RMND1: variants seen among roughly 807,000 people sequenced by gnomAD.
RMND1 encodes required for meiotic nuclear division 1 homolog.
RMND1 carries 41 observed loss-of-function variants against 54.0 expected under a neutral mutation model. That is an observed-to-expected ratio of 0.76 (90% confidence interval 0.59 to 0.98). The LOEUF is 0.98. Ranked by LOEUF, RMND1 falls within the 50% of genes least tolerant of loss-of-function variation. The pLI is 0.00. For synonymous variants in RMND1, 183 were observed against 181.7 expected, an observed-to-expected ratio of 1.01 and a Z score of -0.06; for missense variants, 457 against 532.0, an observed-to-expected ratio of 0.86 and a Z score of 1.39.
intron 6 of RMND1, 78 bp from the exon 7 acceptor site, chr6:151,423,709 A>C: frequency 2.1e-6 from 2 of 945,120 alleles, no homozygotes; most frequent in Non-Finnish European, 3.5e-6. Flanking sequence ...ACACCATATC[A>C]TCTTTCTGGA....
At chr6:151,441,474 A>G (rs79378339) in intron 2 of RMND1, among the ~76,000 whole-genome samples, 14,897 of 151,894 alleles carry the variant, frequency 0.098, 805 homozygotes, top group Middle Eastern at 0.18. Context: ...GGTGACTCTC[A>G]GTGGGTCCTG....
rs149885663 is a variant in RMND1 at position 151,427,734 on chromosome 6, A to G, written c.730-152T>C. ...GAAAAGGCAAATCAAATCCATTGTG[A>G]TATTAAAGTAATCAGGATGACATGT... On this transcript the variant is annotated intron_variant, in intron 5 of 11. Coordinates refer to ENST00000444024, the MANE Select transcript of RMND1 (RefSeq NM_017909.4). 7.2e-3 allele frequency: 4,080 copies of G among 565,994 alleles called. 33 individuals carry two copies. The highest frequency in any genetic ancestry group is 0.012 in the Admixed American group (416 of 33,390). The allele number at this position is 565,994 out of a possible 1,614,324, so 35.1% of individuals were successfully genotyped here.
chr6:151,405,676 G>T, intron 11 of RMND1, 44 bp downstream of exon 11: 1 of 974,510 alleles, frequency 1.0e-6, no homozygotes, highest in South Asian at 1.4e-5. Flanking sequence ...CTGTATTTGT[G>T]AAAAGATGGT....
chr6:151,437,720 A>G (rs1479178141), intron 2 of RMND1, among the ~76,000 whole-genome samples: 2 of 152,188 alleles, frequency 1.3e-5, no homozygotes, highest in East Asian at 1.9e-4. Context: ...AGAGAAGTAT[A>G]TATTAATTCA....
At chr6:151,434,999 C>G (rs1359926314) in intron 3 of RMND1, among the ~76,000 whole-genome samples, 1 of 152,042 alleles carries the variant, frequency 6.6e-6, no homozygotes, top group Non-Finnish European at 1.5e-5. Context: ...CAGGCACGTA[C>G]CACCACGCCC....
intron 2 of RMND1, among the ~76,000 whole-genome samples, chr6:151,440,162 G>A (rs1357668692): frequency 6.6e-6 from 1 of 152,200 alleles, no homozygotes; most frequent in East Asian, 1.9e-4. Context: ...TCTTCATGTT[G>A]GCCAGGCTGG....
At chr6:151,411,068 T>C (rs2114918539) in intron 10 of RMND1, among the ~76,000 whole-genome samples, 2 of 152,322 alleles carry the variant, frequency 1.3e-5, no homozygotes, top group South Asian at 2.1e-4. Context: ...CAAGTGATTC[T>C]AGTGCCTCAG....
chr6:151,430,061 G>A, intron 5 of RMND1, 77 bp downstream of exon 5: 1 of 882,028 alleles, frequency 1.1e-6, no homozygotes, highest in East Asian at 2.4e-5. Context: ...CCCTTCTAAT[G>A]TTTCAGTATG....
Position 151,413,728 on chromosome 6 carries a change from T to C in RMND1, c.1200+3551A>G, listed in dbSNP as rs532951392. 14 of 152,366 alleles carry C rather than the reference T, an allele frequency of 9.2e-5. No individual in the cohort carries two copies. The East Asian group carries it at 2.7e-3, about 29-fold the overall frequency. 9.4% of individuals were successfully genotyped at this position (152,366 alleles called of 1,614,324 possible). A position where few individuals can be genotyped will look rare whatever the true frequency, so the allele number is the denominator to read the frequency against. On this transcript the variant is annotated intron_variant, in intron 10 of 11. Transcript: ENST00000444024. ...GTGCTTTTCATGTTTGACCAGACAG[T>C]TGGACTGTCAAATCGGTGTCTAATT...
intron 4 of RMND1, among the ~76,000 whole-genome samples, chr6:151,432,127 C>A (rs1780465640): frequency 6.6e-6 from 1 of 152,036 alleles, no homozygotes; most frequent in African/African-American, 2.4e-5. Flanking sequence ...TTAGTAGAGA[C>A]AGGGTTTCAC....
chr6:151,443,773 A>G (rs1242521091), intron 2 of RMND1, among the ~76,000 whole-genome samples: 2 of 152,176 alleles, frequency 1.3e-5, no homozygotes, highest in Non-Finnish European at 2.9e-5. Flanking sequence ...GGAAAAAGTT[A>G]TTTCTCTGAA....
At chr6:151,422,495 C>T in intron 8 of RMND1, 46 bp downstream of exon 8, 1 of 928,968 alleles carries the variant, frequency 1.1e-6, no homozygotes, top group East Asian at 2.9e-5. Context: ...ATATTTTTTA[C>T]ATATAAAAAT....
intron 1 of RMND1, among the ~76,000 whole-genome samples, chr6:151,451,706 C>A (rs757654165): frequency 6.6e-6 from 1 of 152,182 alleles, no homozygotes; most frequent in Non-Finnish European, 1.5e-5. Flanking sequence ...TTAAGAAAAT[C>A]GATTACAGCT....
intron 10 of RMND1, among the ~76,000 whole-genome samples, chr6:151,415,797 A>G (rs1388940380): frequency 9.1e-6 from 1 of 109,634 alleles, no homozygotes; most frequent in South Asian, 3.8e-4. Context: ...CGTCTCAAAA[A>G]AAAAAAAAAA....
chr6:151,432,531 C>CACTT (rs3029406), intron 4 of RMND1, among the ~76,000 whole-genome samples: 40,312 of 151,864 alleles, frequency 0.27, 6,790 homozygotes, highest in African/African-American at 0.47. Context: ...ATGGGTAACT[C>CACTT]AATCCCTATG....
chr6:151,427,472 A>G lies in RMND1; in HGVS notation c.830+10T>C. The stretch of plus-strand genomic sequence containing the variant: ...TGCCCCTTTCATAAATTTGATGAAA[A>G]GTTGCTTACTCTATTTTTATGTAGT... On this transcript the variant is annotated intron_variant, in intron 6 of 11. Transcript: ENST00000444024. The G allele has an allele frequency of 6.6e-7, 1 of 1,522,904 alleles. No homozygotes were observed. Among genetic ancestry groups the G allele is most frequent in the African/African-American group, 1.4e-5 (1 of 72,930 alleles). The allele number at this position is 1,522,904 out of a possible 1,614,324, so 94.3% of individuals were successfully genotyped here.
chr6:151,430,848 G>A (rs574153937), intron 4 of RMND1, among the ~76,000 whole-genome samples: 1 of 151,808 alleles, frequency 6.6e-6, no homozygotes, highest in Non-Finnish European at 1.5e-5. Flanking sequence ...TGCACTGGAG[G>A]AAGGAAAGGA....
intron 10 of RMND1, 29 bp from the exon 11 acceptor site, chr6:151,405,865 AT>A (rs1779601318): frequency 1.8e-6 from 2 of 1,123,970 alleles, no homozygotes; most frequent in Non-Finnish European, 2.7e-6. Context: ...AGTAACATGT[AT>A]TTAAACAATT....
rs1324482534 is a variant in RMND1 at position 151,421,227 on chromosome 6, TAG to T, written c.1079+16_1079+17del. ...TGTTAAATATATGAAATATTTTATT[TAG>T]AGAGAAAACTTTTACCTTAGAGCAA... On this transcript the variant is annotated intron_variant, in intron 9 of 11. Transcript: ENST00000444024. The T allele has an allele frequency of 6.5e-7, 1 of 1,529,430 alleles. No individual in the cohort carries two copies. The highest frequency in any genetic ancestry group is 9.0e-7 in the Non-Finnish European group (1 of 1,112,428). The allele number at this position is 1,529,430 out of a possible 1,614,324, so 94.7% of individuals were successfully genotyped here.
Sources: gnomAD v4.1 joint callset for allele counts (sites outside exome capture counted in the v4.1 genomes callset) on GRCh38, gnomAD v4.1.1 for gene constraint, MANE v1.5 for transcripts, NCBI Gene and HGNC (gene_info 2026-07-23, HGNC 2026-07-21) for gene names.